The following SEC61A2 variants were observed in gnomAD, a reference collection of about 807,000 sequenced individuals.
SEC61A2 encodes SEC61 translocon subunit alpha 2, also known as protein transport protein Sec61 subunit alpha isoform 2.
Under a neutral mutation model 59.9 loss-of-function variants are expected in SEC61A2, and 28 were observed. The ratio of observed to expected loss-of-function variants is 0.47; its 90% CI spans 0.35 to 0.64. SEC61A2 has a LOEUF of 0.64. Ranked by LOEUF, SEC61A2 falls within the 30% of genes least tolerant of loss-of-function variation. SEC61A2 has a pLI of 0.01. For missense variants in SEC61A2, 340 were observed against 585.9 expected (o/e 0.58, Z 4.33); for synonymous variants, 202 against 214.4 (o/e 0.94, Z 0.50).
rs1399369555 is a variant in SEC61A2 at position 12,145,081 on chromosome 10, G to GGGGT, written c.220+1889_220+1892dup. On this transcript the variant is annotated intron_variant, in intron 4 of 11. Coordinates refer to ENST00000298428, the MANE Select transcript of SEC61A2 (RefSeq NM_018144.4). This position sits in a 1 kb window ranked among gnomAD's most constrained non-coding sequence, Gnocchi z 4.4. ...AAAGGAACATTGAGGAGGTGAGTGT[G>GGGGT]GGGTGGAAGAAATGAAAGAAGAGGG... 6.6e-6 allele frequency among the ~76,000 whole-genome samples: 1 copy of GGGGT among 151,904 alleles called. No homozygotes were observed. The highest frequency in any genetic ancestry group is 1.5e-5 in the Non-Finnish European group (1 of 67,968).
chr10:12,153,069 A>AG lies in SEC61A2; in HGVS notation c.463-2709_463-2708insG, dbSNP rs1235912192. Among the ~76,000 whole-genome samples, 3 of 152,122 alleles carry AG rather than the reference A, an allele frequency of 2.0e-5. No individual in the cohort carries two copies. The highest frequency in any genetic ancestry group is 4.4e-5 in the Non-Finnish European group (3 of 68,018). ...GTGAGACTCTGTCTCAAAAAAAAAA[A>AG]AAAAGATTAACTTTGTCTTTGTCTT... On this transcript the variant is annotated intron_variant, in intron 6 of 11. Coordinates refer to ENST00000298428, the MANE Select transcript of SEC61A2 (RefSeq NM_018144.4). This position sits in a 1 kb window ranked among gnomAD's most constrained non-coding sequence, Gnocchi z 5.2.
rs1008277240 is a variant in SEC61A2, at chr10:12,143,733, C to CA, written c.220+547dup. ...GGGTAACAGAGTAAGACTCTGCCTC[C>CA]AAAAAAAAAGGGAGTCCAGTGTGTG... On this transcript the variant is annotated intron_variant, in intron 4 of 11. Transcript: ENST00000298428. This position sits in a 1 kb window ranked among gnomAD's most constrained non-coding sequence, Gnocchi z 4.8. 3.3e-5 allele frequency among the ~76,000 whole-genome samples: 5 copies of CA among 149,388 alleles called. No homozygotes were observed. The highest frequency in any genetic ancestry group is 2.1e-4 in the South Asian group (1 of 4,724).
Position 12,162,431 on chromosome 10 carries a change from GT to G in SEC61A2, c.1244+146del. 1.2e-6 allele frequency: 1 copy of G among 827,008 alleles called. No homozygotes were observed. 51.2% of individuals were successfully genotyped at this position (827,008 alleles called of 1,614,324 possible). A position where few individuals can be genotyped will look rare whatever the true frequency, so the allele number is the denominator to read the frequency against. The stretch of plus-strand genomic sequence containing the variant: ...TGAATCAAAATTTCACACAAAACTT[GT>G]TTTCCATGTCAAAACCAACACCTGA... On this transcript the variant is annotated intron_variant, in intron 11 of 11. Coordinates refer to ENST00000298428, the MANE Select transcript of SEC61A2 (RefSeq NM_018144.4). The surrounding 1 kb of genome is among the most constrained non-coding windows in gnomAD (Gnocchi z 6.1).
chr10:12,136,435 G>A (rs1833887043), intron 3 of SEC61A2, among the ~76,000 whole-genome samples: 1 of 151,658 alleles, frequency 6.6e-6, no homozygotes, highest in Non-Finnish European at 1.5e-5. Flanking sequence ...GGCCTCCCAA[G>A]TAGCTGGGAC....
chr10:12,141,333 A>C (rs1834015168), intron 3 of SEC61A2, among the ~76,000 whole-genome samples: 1 of 152,188 alleles, frequency 6.6e-6, no homozygotes, highest in Admixed American at 6.6e-5. Flanking sequence ...TGACCAGGTG[A>C]GTTGTTTAAA....
Position 12,157,948 on chromosome 10 carries a change from G to C in SEC61A2, c.818G>C (p.Arg273Pro). Residue 273 changes from arginine to proline, a missense_variant, in exon 9 of 12, where the codon CGA becomes CCA. Arg to Pro is a moderately radical substitution (Grantham distance 103, BLOSUM62 -2). Transcript: ENST00000298428. ...CTGCCCATTAAGTCGGCCCGTTACC[G>C]AGGACAGTACAGCAGCTACCCCATC... ...VDLPIKSARY[R>P]GQYSSYPIKL... The C allele has an allele frequency of 6.2e-7, 1 of 1,613,910 alleles. No individual in the cohort carries two copies. The highest frequency in any genetic ancestry group is 8.5e-7 in the Non-Finnish European group (1 of 1,180,010).
chr10:12,160,685 A>G lies in SEC61A2; in HGVS notation c.976-245A>G, dbSNP rs1834505566. On this transcript the variant is annotated intron_variant, in intron 9 of 11. Coordinates refer to ENST00000298428, the MANE Select transcript of SEC61A2 (RefSeq NM_018144.4). The surrounding 1 kb of genome is among the most constrained non-coding windows in gnomAD (Gnocchi z 4.1). Reference sequence around the variant, plus strand: ...TTTCAGTAATGGAAGATTTTGTAATATATTACAATTTTTAAAAATGACTCA... The same window carrying G: ...TTTCAGTAATGGAAGATTTTGTAATGTATTACAATTTTTAAAAATGACTCA... Among the ~76,000 whole-genome samples, 1 of 146,782 alleles carries G rather than the reference A, an allele frequency of 6.8e-6. No individual in the cohort carries two copies. The highest frequency in any genetic ancestry group is 6.9e-5 in the Admixed American group (1 of 14,550).
chr10:12,159,438 A>G (rs1278302899), intron 9 of SEC61A2, among the ~76,000 whole-genome samples: 1 of 152,184 alleles, frequency 6.6e-6, no homozygotes, highest in Non-Finnish European at 1.5e-5. Context: ...CTGTAATCCC[A>G]GCACTTTGGG....
intron 3 of SEC61A2, among the ~76,000 whole-genome samples, chr10:12,136,704 A>T (rs1833896532): frequency 6.6e-6 from 1 of 151,996 alleles, no homozygotes; most frequent in African/African-American, 2.4e-5. Context: ...ATCTCGACTC[A>T]CTGCAACCTC....
In SEC61A2 at chr10:12,156,867, G is replaced by T. The variant is rs1453362254; in HGVS notation, c.617-40G>T. 6.2e-7 allele frequency: 1 copy of T among 1,602,978 alleles called. No individual in the cohort carries two copies. Among genetic ancestry groups the T allele is most frequent in the Admixed American group, 1.8e-5 (1 of 56,288 alleles). ...TTGTTTGAGCTTTGGGACAGCTTTG[G>T]ACGATGAGTCCACAGGTCGTGTCTG... On this transcript the variant is annotated intron_variant, in intron 7 of 11. Coordinates refer to ENST00000298428, the MANE Select transcript of SEC61A2 (RefSeq NM_018144.4). The surrounding 1 kb of genome is among the most constrained non-coding windows in gnomAD (Gnocchi z 5.2).
intron 6 of SEC61A2, among the ~76,000 whole-genome samples, chr10:12,150,654 T>C (rs1460045530): frequency 1.3e-5 from 2 of 152,262 alleles, no homozygotes; most frequent in Non-Finnish European, 2.9e-5. Context: ...TTTTACATGG[T>C]AATGTCTTAG....
At position 12,164,764 on chromosome 10, in the gene SEC61A2, C is replaced by T; in HGVS notation, c.*310C>T. The T allele has an allele frequency of 1.8e-6, 2 of 1,113,810 alleles. No individual in the cohort carries two copies. The highest frequency in any genetic ancestry group is 2.2e-6 in the Non-Finnish European group (2 of 912,112). 69.0% of individuals were successfully genotyped at this position (1,113,810 alleles called of 1,614,324 possible). A position where few individuals can be genotyped will look rare whatever the true frequency, so the allele number is the denominator to read the frequency against. ...GACGGTGAGATGGATTCGTTTTGCA[C>T]ACAACATTCAAAACACTTCATATTG... On this transcript the variant is annotated 3_prime_UTR_variant, in exon 12 of 12. Transcript: ENST00000298428. This position sits in a 1 kb window ranked among gnomAD's most constrained non-coding sequence, Gnocchi z 7.3.
At chr10:12,148,282 G>T (rs1314588447) in intron 4 of SEC61A2, among the ~76,000 whole-genome samples, 3 of 109,636 alleles carry the variant, frequency 2.7e-5, no homozygotes, top group Admixed American at 1.2e-4. Flanking sequence ...TTTCGCTCTT[G>T]TTGCCCAGGC....
At position 12,149,808 on chromosome 10, in the gene SEC61A2, C is replaced by T. The variant is rs766884773; in HGVS notation, c.353-44C>T. 6.2e-7 allele frequency: 1 copy of T among 1,607,190 alleles called. No individual in the cohort carries two copies. Among genetic ancestry groups the T allele is most frequent in the Non-Finnish European group, 8.5e-7 (1 of 1,175,308 alleles). Reference sequence around the variant, plus strand: ...GATGTTTTCTCTAGTCTTTTCTTGTCTTTGGTGGTAAGCGTGCTCTCCTTT... The same window carrying T: ...GATGTTTTCTCTAGTCTTTTCTTGTTTTTGGTGGTAAGCGTGCTCTCCTTT... On this transcript the variant is annotated intron_variant, in intron 5 of 11. Transcript: ENST00000298428. This position sits in a 1 kb window ranked among gnomAD's most constrained non-coding sequence, Gnocchi z 5.2.
downstream of SEC61A2, among the ~76,000 whole-genome samples, chr10:12,168,963 A>G (rs1247340270): frequency 2.6e-5 from 4 of 151,956 alleles, no homozygotes; most frequent in African/African-American, 7.3e-5. The surrounding 1 kb of genome is among the most constrained non-coding windows in gnomAD (Gnocchi z 4.8). Flanking sequence ...GGGTTTTACT[A>G]TGTTGGCCAG....
chr10:12,141,537 T>C (rs775961372), intron 3 of SEC61A2, among the ~76,000 whole-genome samples: 2 of 152,274 alleles, frequency 1.3e-5, no homozygotes, highest in Middle Eastern at 3.4e-3. Flanking sequence ...GAAAAGTTAA[T>C]GTCCTCATTA....
intron 3 of SEC61A2, among the ~76,000 whole-genome samples, chr10:12,138,590 T>A (rs553292761): frequency 4.6e-5 from 7 of 152,358 alleles, no homozygotes; most frequent in Admixed American, 1.3e-4. Flanking sequence ...TACTTTGATT[T>A]GTTTTTTCTA....
intron 4 of SEC61A2, among the ~76,000 whole-genome samples, chr10:12,144,457 C>T (rs1337553998): frequency 1.3e-5 from 2 of 152,106 alleles, no homozygotes; most frequent in Non-Finnish European, 1.5e-5. Flanking sequence ...TATAAGGATA[C>T]GCTGTGATTT....
intron 4 of SEC61A2, among the ~76,000 whole-genome samples, chr10:12,146,669 C>T (rs1036380300): frequency 2.0e-4 from 30 of 152,110 alleles, no homozygotes; most frequent in African/African-American, 7.0e-4. Flanking sequence ...AGGTGCCCGC[C>T]ACCACGCCCT....
Sources: allele counts gnomAD v4.1 joint callset (sites outside exome capture counted in the v4.1 genomes callset), GRCh38; gene constraint gnomAD v4.1.1; non-coding constraint Gnocchi (gnomAD v3.1); transcripts MANE v1.5; gene names NCBI Gene and HGNC (gene_info 2026-07-23, HGNC 2026-07-21).